FGF14: variants seen among roughly 807,000 people sequenced by gnomAD.
FGF14 encodes the protein fibroblast growth factor 14, also known as fibroblast growth factor homologous factor 4.
In FGF14, 5 loss-of-function variants were observed where a neutral mutation model predicts 25.5. That is an observed-to-expected ratio of 0.20 (90% confidence interval 0.10 to 0.41). The LOEUF (loss-of-function observed/expected upper bound fraction) is 0.41, where lower values mean the gene tolerates loss of function less well. FGF14 is among the 10% of genes least tolerant of loss of function. The probability of loss-of-function intolerance (pLI) is 1.00; values close to 1 mark genes in which losing one functional copy is unlikely to be tolerated. For missense variants in FGF14, 222 were observed against 320.1 expected, an observed-to-expected ratio of 0.69 and a Z score of 2.34; for synonymous variants, 138 against 118.3, an observed-to-expected ratio of 1.17 and a Z score of -1.08.
At chr13:101,863,757 G>A (rs555201884) in intron 3 of FGF14, among the ~76,000 whole-genome samples, 1 of 152,128 alleles carries the variant, frequency 6.6e-6, no homozygotes, top group African/African-American at 2.4e-5. Flanking sequence ...GCAACGAAGA[G>A]AGGAATAAAT....
chr13:101,856,008 G>T (rs1328853987), intron 3 of FGF14, among the ~76,000 whole-genome samples: 5 of 150,978 alleles, frequency 3.3e-5, no homozygotes, highest in South Asian at 2.1e-4. Flanking sequence ...ATTAAATAAA[G>T]TCTCACTGCT....
chr13:101,880,214 C>T (rs915399687), intron 1 of FGF14, among the ~76,000 whole-genome samples: 1 of 152,056 alleles, frequency 6.6e-6, no homozygotes, highest in Non-Finnish European at 1.5e-5. Flanking sequence ...AATAGCTCTC[C>T]ACCACTTCTC....
intron 1 of FGF14, among the ~76,000 whole-genome samples, chr13:102,161,008 A>T (rs887950877): frequency 1.3e-5 from 2 of 152,206 alleles, no homozygotes; most frequent in Non-Finnish European, 2.9e-5. Context: ...GGATATTAAA[A>T]GTCATATTGA....
intron 4 of FGF14, among the ~76,000 whole-genome samples, chr13:101,724,078 G>C (rs916790356): frequency 6.6e-6 from 1 of 151,984 alleles, no homozygotes; most frequent in Non-Finnish European, 1.5e-5. Flanking sequence ...TAAATTACTT[G>C]CTAAGGTAGC....
intron 1 of FGF14, among the ~76,000 whole-genome samples, chr13:102,311,571 T>A (rs1033526374): frequency 6.6e-6 from 1 of 151,990 alleles, no homozygotes; most frequent in Non-Finnish European, 1.5e-5. Flanking sequence ...AGTGCTGTCA[T>A]ACTACCAGAA....
intron 1 of FGF14, among the ~76,000 whole-genome samples, chr13:102,186,681 G>A (rs1044078842): frequency 6.6e-6 from 1 of 152,048 alleles, no homozygotes. Context: ...TCAGTGGTAT[G>A]ATACATGTTT....
At chr13:102,013,236 G>T (rs2040172521) in intron 1 of FGF14, among the ~76,000 whole-genome samples, 2 of 151,982 alleles carry the variant, frequency 1.3e-5, no homozygotes, top group Non-Finnish European at 2.9e-5. Context: ...AGAAAAAGAA[G>T]GAAATGATGT....
intron 1 of FGF14, among the ~76,000 whole-genome samples, chr13:102,358,439 G>C (rs549967779): frequency 9.2e-5 from 14 of 152,262 alleles, no homozygotes; most frequent in Admixed American, 4.6e-4. Flanking sequence ...TGTTTTGCTA[G>C]GAGGACTGAA....
At chr13:101,894,280 G>C (rs997890471) in intron 1 of FGF14, among the ~76,000 whole-genome samples, 2 of 152,074 alleles carry the variant, frequency 1.3e-5, no homozygotes, top group African/African-American at 4.8e-5. Flanking sequence ...TGAGAGAAAA[G>C]GTAAAGCTTT....
intron 1 of FGF14, among the ~76,000 whole-genome samples, chr13:102,268,157 T>G (rs1489050224): frequency 1.3e-5 from 2 of 152,134 alleles, no homozygotes; most frequent in Non-Finnish European, 2.9e-5. Flanking sequence ...GTGAGCACTT[T>G]GAGGACAAAA....
Position 101,760,318 on chromosome 13 carries a change from C to A in FGF14, c.409-33508G>T, listed in dbSNP as rs1418558055. ...CACTGCTTCCTGTCTAGCTTTCACCCTCTATTAAAAAGGCTTTTGTCTAAG... is the reference window on the plus strand; with the variant it reads ...CACTGCTTCCTGTCTAGCTTTCACCATCTATTAAAAAGGCTTTTGTCTAAG... On this transcript the variant is annotated intron_variant, in intron 3 of 4. Transcript: ENST00000376143. 2.6e-5 allele frequency among the ~76,000 whole-genome samples: 4 copies of A among 152,114 alleles called. No homozygotes were observed. The East Asian group carries it at 7.7e-4, about 29-fold the overall frequency.
chr13:102,308,742 G>T (rs1246393239), intron 1 of FGF14, among the ~76,000 whole-genome samples: 2 of 151,930 alleles, frequency 1.3e-5, no homozygotes, highest in Non-Finnish European at 2.9e-5. Context: ...CTGCGATTCT[G>T]CTCTTTGAAA....
intron 1 of FGF14, among the ~76,000 whole-genome samples, chr13:102,387,816 C>T (rs962961547): frequency 6.6e-6 from 1 of 152,132 alleles, no homozygotes; most frequent in Non-Finnish European, 1.5e-5. Context: ...ACTGCAACCT[C>T]TGCCTCCCAG....
At chr13:102,149,282 C>A (rs2046981573) in intron 1 of FGF14, among the ~76,000 whole-genome samples, 2 of 151,944 alleles carry the variant, frequency 1.3e-5, no homozygotes, top group Admixed American at 1.3e-4. Context: ...ATGGCGAATT[C>A]TAAGAAACAC....
At chr13:102,200,874 G>A (rs1250142626) in intron 1 of FGF14, among the ~76,000 whole-genome samples, 4 of 151,874 alleles carry the variant, frequency 2.6e-5, no homozygotes, top group Admixed American at 6.6e-5. Context: ...AGGACAAGGC[G>A]GGCGGATCAT....
At chr13:102,335,965 G>C (rs1456815725) in intron 1 of FGF14, among the ~76,000 whole-genome samples, 2 of 152,118 alleles carry the variant, frequency 1.3e-5, no homozygotes. Flanking sequence ...GGTTCTGACT[G>C]CTCCAGCAAT....
At chr13:102,105,124 A>G (rs1162993197) in intron 1 of FGF14, among the ~76,000 whole-genome samples, 1 of 152,220 alleles carries the variant, frequency 6.6e-6, no homozygotes, top group Non-Finnish European at 1.5e-5. Flanking sequence ...ATTTACTAAA[A>G]AACAGAAAAA....
At chr13:101,785,673 C>A (rs1566898505) in intron 3 of FGF14, among the ~76,000 whole-genome samples, 1 of 152,052 alleles carries the variant, frequency 6.6e-6, no homozygotes, top group Non-Finnish European at 1.5e-5. Context: ...TATATTGTAA[C>A]CGTATTCTAT....
intron 1 of FGF14, among the ~76,000 whole-genome samples, chr13:102,010,443 T>G (rs2139797018): frequency 6.6e-6 from 1 of 152,208 alleles, no homozygotes; most frequent in Non-Finnish European, 1.5e-5. Flanking sequence ...ACACAACTAA[T>G]CAACTTTGCC....
Sources: allele counts gnomAD v4.1 joint callset (sites outside exome capture counted in the v4.1 genomes callset), GRCh38; gene constraint gnomAD v4.1.1; transcripts MANE v1.5; gene names NCBI Gene and HGNC (gene_info 2026-07-23, HGNC 2026-07-21).